Variants in NHS observed in about 807,000 individuals in gnomAD.
NHS encodes actin remodeling regulator NHS.
A neutral mutation model predicts 72.5 loss-of-function variants in NHS; 5 were observed. The ratio of observed to expected loss-of-function variants is 0.07; its 90% confidence interval spans 0.04 to 0.14. The LOEUF (loss-of-function observed/expected upper bound fraction) is 0.14, where lower values mean the gene tolerates loss of function less well. Among genes scored for constraint, NHS ranks in the 10% least tolerant of loss-of-function variants. NHS has a pLI of 1.00. For synonymous variants in NHS, 464 were observed against 547.7 expected, an observed-to-expected ratio of 0.85 and a Z score of 2.13; for missense variants, 1,072 against 1,355.7, an observed-to-expected ratio of 0.79 and a Z score of 3.29.
At chrX:17,561,538 C>T (rs2065412205) in intron 1 of NHS, among the ~76,000 whole-genome samples, 1 of 102,043 alleles carries the variant, frequency 9.8e-6, no homozygotes, top group African/African-American at 3.7e-5. Flanking sequence ...ACTTTGAGTT[C>T]TTCACACATG....
At chrX:17,540,212 T>C (rs1027712597) in intron 1 of NHS, among the ~76,000 whole-genome samples, 6 of 111,852 alleles carry the variant, frequency 5.4e-5, no homozygotes, top group African/African-American at 2.0e-4. Flanking sequence ...CTTTAACTTA[T>C]GACTTCCACA....
intron 1 of NHS, among the ~76,000 whole-genome samples, chrX:17,673,187 C>T (rs1453543539): frequency 1.4e-5 from 1 of 73,462 alleles, no homozygotes; most frequent in Admixed American, 1.6e-4. Context: ...AACACACACA[C>T]ACACACACAC....
intron 1 of NHS, among the ~76,000 whole-genome samples, chrX:17,644,860 C>T (rs180719894): frequency 1.1e-3 from 119 of 110,825 alleles, no homozygotes; most frequent in Middle Eastern, 4.7e-3. Flanking sequence ...AACTGCCAGG[C>T]ACGCTACAGT....
intron 1 of NHS, among the ~76,000 whole-genome samples, chrX:17,554,089 AAGG>A (rs770845667): frequency 6.2e-5 from 7 of 112,503 alleles, no homozygotes; most frequent in African/African-American, 2.3e-4. Flanking sequence ...CTAAGGAGCT[AAGG>A]AGAAGAGTGC....
intron 1 of NHS, among the ~76,000 whole-genome samples, chrX:17,521,271 T>A (rs2065147110): frequency 9.0e-6 from 1 of 111,424 alleles, no homozygotes; most frequent in African/African-American, 3.3e-5. Context: ...GTGTGACCAA[T>A]GAGACCTTGC....
At chrX:17,544,653 C>T (rs1291273606) in intron 1 of NHS, among the ~76,000 whole-genome samples, 1 of 111,597 alleles carries the variant, frequency 9.0e-6, no homozygotes, top group African/African-American at 3.3e-5. Flanking sequence ...GCTGGGATTA[C>T]AGGCACCCAC....
At chrX:17,713,319 T>C (rs944510695) in intron 3 of NHS, among the ~76,000 whole-genome samples, 1 of 111,507 alleles carries the variant, frequency 9.0e-6, no homozygotes, top group Non-Finnish European at 1.9e-5. Flanking sequence ...ACGAGCCCCA[T>C]GGTAGAGTGA....
chrX:17,459,851 A>G (rs1013883834), intron 1 of NHS, among the ~76,000 whole-genome samples: 1 of 112,455 alleles, frequency 8.9e-6, no homozygotes, highest in Admixed American at 9.4e-5. Flanking sequence ...ACCCCCTTCC[A>G]AAAGAGAAAA....
intron 1 of NHS, among the ~76,000 whole-genome samples, chrX:17,501,981 C>T (rs941070860): frequency 4.5e-5 from 5 of 111,962 alleles, no homozygotes; most frequent in Non-Finnish European, 9.4e-5. Flanking sequence ...GTTTATGCTT[C>T]CAGTTTCAAT....
chrX:17,451,805 G>C (rs1222135168), intron 1 of NHS, among the ~76,000 whole-genome samples: 3 of 111,995 alleles, frequency 2.7e-5, no homozygotes, highest in Non-Finnish European at 3.8e-5. Flanking sequence ...TCAATATTCA[G>C]TGAACCGAAT....
At chrX:17,668,215 C>T (rs1439301624) in intron 1 of NHS, among the ~76,000 whole-genome samples, 1 of 110,580 alleles carries the variant, frequency 9.0e-6, no homozygotes, top group African/African-American at 3.3e-5. Flanking sequence ...GAGCTATGAT[C>T]ACGTCACTGC....
rs146800099 is a variant in NHS at position 17,507,106 on chromosome X, A to G, written c.565+130784A>G. Among the ~76,000 whole-genome samples the G allele has an allele frequency of 3.6e-3, 411 of 112,775 alleles. 1 individual carries two copies. Among genetic ancestry groups the G allele is most frequent in the African/African-American group, 0.012 (376 of 31,046 alleles). ...GGGTTGTATTACAATCCCATTGGCC[A>G]GTCTTATTAGGCTTCTTGCTAAAGC... On this transcript the variant is annotated intron_variant, in intron 1 of 8. Transcript: ENST00000676302.
rs760577193 is a variant in NHS, at chrX:17,572,491, C to CTTT, written c.566-115231_566-115229dup. Among the ~76,000 whole-genome samples the CTTT allele has an allele frequency of 6.2e-3, 290 of 46,694 alleles. 12 individuals carry two copies. Among genetic ancestry groups the CTTT allele is most frequent in the African/African-American group, 0.019 (144 of 7,641 alleles). The allele number at this position is 46,694 out of a possible 115,157, so 40.5% of individuals were successfully genotyped here. Reference sequence around the variant, plus strand: ...TCAGAGACCAGGACTGCAACCCCTGCTTTTTTTTTTTTTTTTTTTTTTGCT... The same window carrying CTTT: ...TCAGAGACCAGGACTGCAACCCCTGCTTTTTTTTTTTTTTTTTTTTTTTTTGCT... On this transcript the variant is annotated intron_variant, in intron 1 of 8. Coordinates refer to ENST00000676302, the MANE Select transcript of NHS (RefSeq NM_001291867.2).
At chrX:17,723,739 G>GTGTGTGTGTGTGTGTGTGTGTGTGTA (rs2066419939) in intron 5 of NHS, among the ~76,000 whole-genome samples, 1 of 90,308 alleles carries the variant, frequency 1.1e-5, no homozygotes, top group African/African-American at 5.2e-5. Flanking sequence ...GTGTGTGTGT[G>GTGTGTGTGTGTGTGTGTGTGTGTGTA]TGTGTGTGTG....
At chrX:17,611,634 G>A (rs2065711680) in intron 1 of NHS, among the ~76,000 whole-genome samples, 1 of 111,173 alleles carries the variant, frequency 9.0e-6, no homozygotes, top group Non-Finnish European at 1.9e-5. Flanking sequence ...TCATCGACAG[G>A]TAGGTTAGGG....
At chrX:17,568,520 CTTT>C (rs201549928) in intron 1 of NHS, among the ~76,000 whole-genome samples, 1 of 97,920 alleles carries the variant, frequency 1.0e-5, no homozygotes, top group Non-Finnish European at 2.1e-5. Context: ...CTAAGTAAAT[CTTT>C]TTTTTTTTTT....
Position 17,375,726 on chromosome X carries a change from G to C in NHS, c.-32G>C. ...CTCCAGCTCACAGGGGCGCTTGGAGGAGACCAGAAAGTCGCCGCCTGGCTG... is the reference window on the plus strand; with the variant it reads ...CTCCAGCTCACAGGGGCGCTTGGAGCAGACCAGAAAGTCGCCGCCTGGCTG... On this transcript the variant is annotated 5_prime_UTR_variant, in exon 1 of 9. Coordinates refer to ENST00000676302, the MANE Select transcript of NHS (RefSeq NM_001291867.2). 5.2e-6 allele frequency: 6 copies of C among 1,152,406 alleles called. No individual in the cohort carries two copies. The highest frequency in any genetic ancestry group is 6.9e-6 in the Non-Finnish European group (6 of 871,352). 95.0% of individuals were successfully genotyped at this position (1,152,406 alleles called of 1,213,427 possible). A position where few individuals can be genotyped will look rare whatever the true frequency, so the allele number is the denominator to read the frequency against.
At chrX:17,525,719 A>T (rs1202973695) in intron 1 of NHS, among the ~76,000 whole-genome samples, 1 of 102,170 alleles carries the variant, frequency 9.8e-6, no homozygotes, top group Admixed American at 1.1e-4. Flanking sequence ...GTGGGCCTAG[A>T]ATATTAAGTT....
intron 1 of NHS, among the ~76,000 whole-genome samples, chrX:17,487,317 A>G (rs2064971224): frequency 9.0e-6 from 1 of 111,595 alleles, no homozygotes; most frequent in African/African-American, 3.3e-5. Flanking sequence ...ATGAGGAGCA[A>G]CTCAGCAGTT....
Sources: allele counts gnomAD v4.1 joint callset (sites outside exome capture counted in the v4.1 genomes callset), GRCh38; gene constraint gnomAD v4.1.1; transcripts MANE v1.5; gene names NCBI Gene and HGNC (gene_info 2026-07-23, HGNC 2026-07-21).